Variants in TBC1D8 observed in about 807,000 individuals in gnomAD.
TBC1D8 encodes the protein TBC1 domain family member 8, also known as BUB2-like protein 1.
TBC1D8 carries 65 observed loss-of-function variants against 118.8 expected under a neutral mutation model. The observed-to-expected ratio is 0.55, with a 90% CI of 0.45 to 0.67. TBC1D8 has a LOEUF of 0.67. Ranked by LOEUF, TBC1D8 falls within the 30% of genes least tolerant of loss-of-function variation. The pLI is 0.00. For synonymous variants in TBC1D8, 566 were observed against 595.8 expected (o/e 0.95, Z 0.73); for missense variants, 1,376 against 1,471.2 (o/e 0.94, Z 1.06).
chr2:101,120,430 G>A lies in TBC1D8; in HGVS notation c.128-30066C>T, dbSNP rs573779716. 2.0e-3 allele frequency among the ~76,000 whole-genome samples: 306 copies of A among 152,294 alleles called. 2 individuals are homozygous for A. Among genetic ancestry groups the A allele is most frequent in the Non-Finnish European group, 3.2e-3 (215 of 68,036 alleles). On this transcript the variant is annotated intron_variant, in intron 1 of 19. Coordinates refer to ENST00000409318, the MANE Select transcript of TBC1D8 (RefSeq NM_001330348.2). Reference sequence around the variant, plus strand: ...ATGCTAGTGGTCTGTGGTCCGGCCTGGGCTACTGACAGTTCTCCAGGCTCT... The same window carrying A: ...ATGCTAGTGGTCTGTGGTCCGGCCTAGGCTACTGACAGTTCTCCAGGCTCT...
chr2:101,060,875 C>G (rs193015383), intron 2 of TBC1D8, among the ~76,000 whole-genome samples: 1 of 152,218 alleles, frequency 6.6e-6, no homozygotes, highest in East Asian at 1.9e-4. Context: ...GTGCCCAGAG[C>G]CACACACCAC....
chr2:101,100,107 A>T (rs953831360), intron 1 of TBC1D8, among the ~76,000 whole-genome samples: 1 of 152,206 alleles, frequency 6.6e-6, no homozygotes, highest in Non-Finnish European at 1.5e-5. Flanking sequence ...TATATTTAGA[A>T]AACCCCATCA....
At chr2:101,024,708 G>C (rs894470911) in intron 15 of TBC1D8, among the ~76,000 whole-genome samples, 2 of 152,042 alleles carry the variant, frequency 1.3e-5, no homozygotes, top group African/African-American at 4.8e-5. Flanking sequence ...TGCCCGGCCA[G>C]AACTGTAATT....
Position 101,011,397 on chromosome 2 carries a change from T to TC in TBC1D8, c.2917+53dup, listed in dbSNP as rs1395221845. 24 of 1,577,004 alleles carry TC rather than the reference T, an allele frequency of 1.5e-5. No individual in the cohort carries two copies. In the African/African-American group the frequency reaches 2.7e-4, roughly 18 times the overall value. ...GAGGGATGAGGGCAACCCCGGTGCC[T>TC]CCCGCCACTGCAGTGGTATGCAGGG... On this transcript the variant is annotated intron_variant, in intron 18 of 19. Transcript: ENST00000409318.
intron 17 of TBC1D8, chr2:101,018,028 TATC>T: frequency 8.3e-7 from 1 of 1,200,814 alleles, no homozygotes; most frequent in Non-Finnish European, 1.2e-6. Context: ...TCATTCTACA[TATC>T]AACCCCTTTT....
chr2:101,140,382 T>C (rs1439405700), intron 1 of TBC1D8, among the ~76,000 whole-genome samples: 1 of 152,304 alleles, frequency 6.6e-6, no homozygotes, highest in African/African-American at 2.4e-5. Context: ...ACCCCACGCA[T>C]GCTAGACATT....
At chr2:101,070,343 A>G (rs1482229034) in intron 2 of TBC1D8, among the ~76,000 whole-genome samples, 1 of 151,510 alleles carries the variant, frequency 6.6e-6, no homozygotes, top group Non-Finnish European at 1.5e-5. Flanking sequence ...TGTTATGTTA[A>G]ATACTATTAA....
chr2:101,040,278 C>T lies in TBC1D8; in HGVS notation c.980G>A (p.Ser327Asn), dbSNP rs1458344710. 2 of 1,614,034 alleles carry T rather than the reference C, an allele frequency of 1.2e-6. No individual in the cohort carries two copies. ...CATCCGCCCCGTGGTGTGACAGCGACTGAACGGCGTCCAGAGCGAACAGTC... is the reference window on the plus strand; with the variant it reads ...CATCCGCCCCGTGGTGTGACAGCGATTGAACGGCGTCCAGAGCGAACAGTC... ...VVDCSLWTPF[S>N]RCHTTGRMFA... The change falls in exon 6 of 20, where the codon AGT becomes AAT. Residue 327 changes from serine to asparagine, a missense_variant. Ser to Asn is a conservative substitution (Grantham distance 46). Coordinates refer to ENST00000409318, the MANE Select transcript of TBC1D8 (RefSeq NM_001330348.2).
chr2:101,127,066 G>A (rs1402641399), intron 1 of TBC1D8, among the ~76,000 whole-genome samples: 1 of 152,214 alleles, frequency 6.6e-6, no homozygotes, highest in Non-Finnish European at 1.5e-5. Context: ...GCCAGGCGCA[G>A]TGGTTGATAC....
rs572578268 is a variant in TBC1D8, at chr2:101,022,356, C to T, written c.2686G>A (p.Ala896Thr). 52 of 1,612,422 alleles carry T rather than the reference C, an allele frequency of 3.2e-5. No homozygotes were observed. Among genetic ancestry groups the T allele is most frequent in the African/African-American group, 5.3e-5 (4 of 74,910 alleles). Residue 896 changes from alanine to threonine, a missense_variant, in exon 16 of 20, where the codon GCC (alanine) becomes ACC (threonine). By Grantham distance (58) the Ala-to-Thr change is moderately conservative. Transcript: ENST00000409318. ...WTCGAHTEIL[A>T]ERTFRLLDDN... ...TCCAAGAGCCTGAACGTCCTTTCGGCGAGGATCTCCGTGTGGGCCCCGCAG... is the reference window on the plus strand; with the variant it reads ...TCCAAGAGCCTGAACGTCCTTTCGGTGAGGATCTCCGTGTGGGCCCCGCAG...
At chr2:101,049,084 C>T (rs543230990) in intron 5 of TBC1D8, among the ~76,000 whole-genome samples, 4 of 152,252 alleles carry the variant, frequency 2.6e-5, no homozygotes, top group Non-Finnish European at 4.4e-5. Context: ...CAAATAGCTC[C>T]GAGCCCCTGC....
intron 1 of TBC1D8, among the ~76,000 whole-genome samples, chr2:101,127,256 A>T (rs1274865490): frequency 6.6e-6 from 1 of 151,970 alleles, no homozygotes; most frequent in Non-Finnish European, 1.5e-5. Flanking sequence ...GAATGGCTTG[A>T]ACCTGGGAGG....
Position 101,035,527 on chromosome 2 carries a change from C to T in TBC1D8, c.1603+491G>A, listed in dbSNP as rs564739414. ...AATGGGTCCAGCAGAAAAGAGGAAACGGAACAGAAAAGAAATCTGCACTTT... is the reference window on the plus strand; with the variant it reads ...AATGGGTCCAGCAGAAAAGAGGAAATGGAACAGAAAAGAAATCTGCACTTT... On this transcript the variant is annotated intron_variant, in intron 9 of 19. Coordinates refer to ENST00000409318, the MANE Select transcript of TBC1D8 (RefSeq NM_001330348.2). 1.7e-4 allele frequency among the ~76,000 whole-genome samples: 26 copies of T among 152,246 alleles called. No homozygotes were observed. The South Asian group carries it at 5.4e-3, about 32-fold the overall frequency.
chr2:101,063,167 C>A (rs746294139), intron 2 of TBC1D8, among the ~76,000 whole-genome samples: 1 of 152,188 alleles, frequency 6.6e-6, no homozygotes, highest in African/African-American at 2.4e-5. Context: ...TAACCGCATG[C>A]GTCTTCCTCA....
intron 14 of TBC1D8, among the ~76,000 whole-genome samples, 164 bp from the exon 15 acceptor site, chr2:101,027,615 T>A (rs1680413197): frequency 6.6e-6 from 1 of 152,212 alleles, no homozygotes; most frequent in African/African-American, 2.4e-5. Context: ...CCAGGTATCT[T>A]TCCCAGGTGT....
At chr2:101,112,373 T>A (rs1448953736) in intron 1 of TBC1D8, among the ~76,000 whole-genome samples, 2 of 152,230 alleles carry the variant, frequency 1.3e-5, no homozygotes, top group Non-Finnish European at 2.9e-5. Flanking sequence ...CCTGCCATGA[T>A]GGTTATGAAG....
At chr2:101,105,751 T>A (rs998910810) in intron 1 of TBC1D8, among the ~76,000 whole-genome samples, 1 of 152,150 alleles carries the variant, frequency 6.6e-6, no homozygotes, top group Non-Finnish European at 1.5e-5. Flanking sequence ...CAGCAGGGAC[T>A]CATTCATTGC....
chr2:101,134,358 G>C (rs1008232301), intron 1 of TBC1D8, among the ~76,000 whole-genome samples: 5 of 152,146 alleles, frequency 3.3e-5, no homozygotes, highest in African/African-American at 1.2e-4. Flanking sequence ...GCCTAAGTTA[G>C]AGTCTTTATA....
chr2:101,073,541 G>T (rs1043032732), intron 2 of TBC1D8, among the ~76,000 whole-genome samples: 1 of 152,004 alleles, frequency 6.6e-6, no homozygotes, highest in African/African-American at 2.4e-5. Context: ...TGATCCGCCC[G>T]CCTCGGCCTC....
Sources: gnomAD v4.1 joint callset for allele counts (sites outside exome capture counted in the v4.1 genomes callset) on GRCh38, gnomAD v4.1.1 for gene constraint, MANE v1.5 for transcripts, NCBI Gene and HGNC (gene_info 2026-07-23, HGNC 2026-07-21) for gene names.